The following EPHA4 variants were observed in gnomAD, a reference collection of about 807,000 sequenced individuals.
EPHA4 encodes ephrin type-A receptor 4.
A neutral mutation model predicts 108.3 loss-of-function variants in EPHA4; 19 were observed. That is an observed-to-expected ratio of 0.18 (90% CI 0.12 to 0.26). The LOEUF is 0.26. Ranked by LOEUF, EPHA4 falls within the 10% of genes least tolerant of loss-of-function variation. The probability of loss-of-function intolerance (pLI) is 1.00; values close to 1 mark genes in which losing one functional copy is unlikely to be tolerated. For missense variants in EPHA4, 917 were observed against 1,254.0 expected (o/e 0.73, Z 4.06); for synonymous variants, 449 against 455.5 (o/e 0.99, Z 0.18).
intron 5 of EPHA4, among the ~76,000 whole-genome samples, chr2:221,474,814 T>G (rs557093885): frequency 2.0e-5 from 3 of 152,200 alleles, no homozygotes; most frequent in African/African-American, 7.2e-5. Flanking sequence ...TTACTGGAGA[T>G]CAAAGGCAAG....
intron 5 of EPHA4, among the ~76,000 whole-genome samples, chr2:221,468,255 A>G (rs1337630828): frequency 6.6e-6 from 1 of 152,044 alleles, no homozygotes; most frequent in African/African-American, 2.4e-5. Context: ...GCCCCCCAAA[A>G]TTATTTTTTA....
Position 221,570,315 on chromosome 2 carries a change from TCCC to T in EPHA4, c.92-1533_92-1531del, listed in dbSNP as rs71050344. The stretch of plus-strand genomic sequence containing the variant: ...TTTGTCTTGGGCTCCCAAGTTTTTC[TCCC>T]CCCCCCCCAAAAAAAGAGGGGGTTT... On this transcript the variant is annotated intron_variant, in intron 1 of 17. Coordinates refer to ENST00000281821, the MANE Select transcript of EPHA4 (RefSeq NM_004438.5). Among the ~76,000 whole-genome samples, 974 of 147,316 alleles carry T rather than the reference TCCC, an allele frequency of 6.6e-3. 5 individuals carry two copies. Among genetic ancestry groups the T allele is most frequent in the Middle Eastern group, 0.021 (6 of 288 alleles).
intron 3 of EPHA4, among the ~76,000 whole-genome samples, chr2:221,505,899 T>C (rs937560044): frequency 3.3e-5 from 5 of 152,170 alleles, no homozygotes; most frequent in African/African-American, 1.2e-4. Flanking sequence ...ACCAGCTAGG[T>C]AATTTTAAAA....
intron 15 of EPHA4, among the ~76,000 whole-genome samples, chr2:221,428,302 C>A (rs113266386): frequency 1.3e-3 from 199 of 152,308 alleles, no homozygotes; most frequent in Non-Finnish European, 1.9e-3. Flanking sequence ...AGCCTCTGTG[C>A]TCTTGGTAGC....
intron 5 of EPHA4, among the ~76,000 whole-genome samples, chr2:221,464,065 A>C (rs1045940668): frequency 2.0e-5 from 3 of 152,164 alleles, no homozygotes; most frequent in Non-Finnish European, 4.4e-5. Context: ...CCTTTATGAA[A>C]GTCAAGACAC....
At chr2:221,489,742 G>A (rs1163522478) in intron 4 of EPHA4, among the ~76,000 whole-genome samples, 1 of 152,178 alleles carries the variant, frequency 6.6e-6, no homozygotes, top group African/African-American at 2.4e-5. Flanking sequence ...AGCCTTCAGA[G>A]TAATGCCTGA....
intron 8 of EPHA4, among the ~76,000 whole-genome samples, chr2:221,448,781 TGAA>T (rs1380223730): frequency 6.6e-6 from 1 of 152,150 alleles, no homozygotes; most frequent in Non-Finnish European, 1.5e-5. Context: ...TTCTTTCCTT[TGAA>T]GAAGGAAAAA....
At chr2:221,568,670 A>T (rs758081796) in intron 2 of EPHA4, 48 bp downstream of exon 2, 2 of 1,509,124 alleles carry the variant, frequency 1.3e-6, no homozygotes, top group East Asian at 4.5e-5. Context: ...GAAAGTTGCT[A>T]ATCACTCCTT....
intron 9 of EPHA4, among the ~76,000 whole-genome samples, chr2:221,445,586 T>C (rs1344606747): frequency 1.2e-4 from 12 of 99,192 alleles, no homozygotes; most frequent in African/African-American, 4.2e-4. Flanking sequence ...CAAGACTCCG[T>C]CAGAAAAAAA....
chr2:221,560,598 G>A (rs1694433482), intron 3 of EPHA4, among the ~76,000 whole-genome samples: 4 of 152,146 alleles, frequency 2.6e-5, no homozygotes, highest in Admixed American at 2.6e-4. Context: ...AAAGTCAATA[G>A]CTATGACCTT....
At chr2:221,553,712 G>A (rs1011439696) in intron 3 of EPHA4, among the ~76,000 whole-genome samples, 6 of 152,110 alleles carry the variant, frequency 3.9e-5, no homozygotes, top group East Asian at 1.9e-4. Context: ...AACCTTTTTC[G>A]CCTTGCTTCT....
intron 3 of EPHA4, among the ~76,000 whole-genome samples, chr2:221,504,344 T>TGGAGGAGGAGAAGGA (rs137897746): frequency 0.27 from 41,191 of 151,352 alleles, 5,818 homozygotes; most frequent in South Asian, 0.43. Context: ...TAAAAAAAGA[T>TGGAGGAGGAGAAGGA]GGAGGAGGAG....
At chr2:221,442,310 T>C (rs1690453818) in intron 11 of EPHA4, among the ~76,000 whole-genome samples, 1 of 152,136 alleles carries the variant, frequency 6.6e-6, no homozygotes, top group Admixed American at 6.5e-5. Context: ...GCTAATGGAC[T>C]AAAAAAGGAA....
intron 5 of EPHA4, among the ~76,000 whole-genome samples, chr2:221,481,136 A>T (rs756630914): frequency 5.3e-5 from 8 of 152,200 alleles, no homozygotes; most frequent in Admixed American, 6.5e-5. Flanking sequence ...TTTTTCAGGG[A>T]AGGAGTACAG....
At chr2:221,470,543 C>T (rs1225381005) in intron 5 of EPHA4, among the ~76,000 whole-genome samples, 1 of 146,326 alleles carries the variant, frequency 6.8e-6, no homozygotes, top group Admixed American at 6.9e-5. Context: ...TTTAGGGAAC[C>T]TCTGCTTTTC....
chr2:221,473,372 G>C (rs1426590116), intron 5 of EPHA4, among the ~76,000 whole-genome samples: 1 of 151,948 alleles, frequency 6.6e-6, no homozygotes, highest in African/African-American at 2.4e-5. Context: ...AAAATATACA[G>C]GATACCCTCT....
chr2:221,536,476 C>T (rs1181667286), intron 3 of EPHA4, among the ~76,000 whole-genome samples: 1 of 152,138 alleles, frequency 6.6e-6, no homozygotes, highest in Non-Finnish European at 1.5e-5. Context: ...AAGATGTTTC[C>T]CCAAATCCTC....
chr2:221,557,406 A>AAT (rs201896430), intron 3 of EPHA4, among the ~76,000 whole-genome samples: 15,077 of 152,214 alleles, frequency 0.099, 1,116 homozygotes, highest in East Asian at 0.37. Flanking sequence ...AATAAGAGTA[A>AAT]CAATTTTCAC....
At chr2:221,526,165 C>A (rs549608827) in intron 3 of EPHA4, among the ~76,000 whole-genome samples, 5 of 152,232 alleles carry the variant, frequency 3.3e-5, no homozygotes, top group African/African-American at 1.2e-4. Flanking sequence ...TACAGTTAAG[C>A]AGTTGCTTGA....
Sources: allele counts gnomAD v4.1 joint callset (sites outside exome capture counted in the v4.1 genomes callset), GRCh38; gene constraint gnomAD v4.1.1; transcripts MANE v1.5; gene names NCBI Gene and HGNC (gene_info 2026-07-23, HGNC 2026-07-21).